The following GABRG3 variants were observed in gnomAD, a reference collection of about 807,000 sequenced individuals.
GABRG3 encodes gamma-aminobutyric acid receptor subunit gamma-3.
A neutral mutation model predicts 48.8 loss-of-function variants in GABRG3; 25 were observed. That is an observed-to-expected ratio of 0.51 (90% CI 0.37 to 0.72). The LOEUF is 0.72. GABRG3 is among the 30% of genes least tolerant of loss of function. The pLI is 0.00. For synonymous variants in GABRG3, 227 were observed against 217.6 expected (o/e 1.04, Z -0.38); for missense variants, 394 against 577.9 (o/e 0.68, Z 3.26).
intron 3 of GABRG3, among the ~76,000 whole-genome samples, chr15:27,199,271 A>G (rs1216950433): frequency 6.6e-6 from 1 of 152,168 alleles, no homozygotes; most frequent in South Asian, 2.1e-4. Flanking sequence ...CCTGGACGGG[A>G]TGCACTTTTC....
intron 5 of GABRG3, among the ~76,000 whole-genome samples, chr15:27,452,927 A>G (rs973278189): frequency 3.9e-5 from 6 of 152,230 alleles, no homozygotes; most frequent in Admixed American, 1.3e-4. Flanking sequence ...AGAAATGTCT[A>G]TGCACACACA....
intron 5 of GABRG3, among the ~76,000 whole-genome samples, chr15:27,449,350 A>G (rs563813124): frequency 6.6e-6 from 1 of 152,274 alleles, no homozygotes; most frequent in Non-Finnish European, 1.5e-5. Flanking sequence ...GGAGAATTCA[A>G]TCAGCAAGAG....
chr15:27,015,383 A>ATTTTTT (rs36045792), intron 2 of GABRG3, among the ~76,000 whole-genome samples: 2 of 110,306 alleles, frequency 1.8e-5, no homozygotes, highest in Admixed American at 9.2e-5. Context: ...TTTGTGTTTG[A>ATTTTTT]TTTTTTTTTT....
intron 5 of GABRG3, among the ~76,000 whole-genome samples, chr15:27,417,970 C>T (rs1028295952): frequency 4.6e-5 from 7 of 152,120 alleles, no homozygotes; most frequent in East Asian, 3.9e-4. Context: ...GGGGCTTTTG[C>T]GAGGATCAGA....
intron 7 of GABRG3, 83 bp from the exon 8 acceptor site, chr15:27,527,349 TG>T: frequency 2.3e-6 from 3 of 1,281,504 alleles, no homozygotes; most frequent in Non-Finnish European, 3.3e-6. Flanking sequence ...GCAGCCGTGC[TG>T]GGGTGGAGGG....
intron 5 of GABRG3, among the ~76,000 whole-genome samples, chr15:27,410,666 A>G (rs1243513094): frequency 6.6e-6 from 1 of 152,184 alleles, no homozygotes; most frequent in East Asian, 1.9e-4. Context: ...TTTCCCGTAG[A>G]GAAGGCTTAC....
At position 27,520,039 on chromosome 15, in the gene GABRG3, A is replaced by G; in HGVS notation, c.780A>G (p.Thr260=). The G allele has an allele frequency of 1.9e-6, 3 of 1,595,256 alleles. No homozygotes were observed. The highest frequency in any genetic ancestry group is 2.6e-6 in the Non-Finnish European group (3 of 1,169,052). Reference sequence around the variant, plus strand: ...GAATGGGATACTTCACCATTCAGACATACATTCCCTGTATACTGACTGTGG... The same window carrying G: ...GAATGGGATACTTCACCATTCAGACGTACATTCCCTGTATACTGACTGTGG... ...SRRMGYFTIQ[T]YIPCILTVVL... Residue 260 remains threonine, a synonymous_variant, in exon 7 of 10, where the codon ACA becomes ACG. Transcript: ENST00000615808.
At chr15:27,203,353 A>G (rs897948149) in intron 3 of GABRG3, among the ~76,000 whole-genome samples, 1 of 152,190 alleles carries the variant, frequency 6.6e-6, no homozygotes, top group African/African-American at 2.4e-5. Flanking sequence ...AGCTCCATCC[A>G]TGTTGCTGCA....
At chr15:27,049,102 G>A (rs1276809563) in intron 3 of GABRG3, among the ~76,000 whole-genome samples, 1 of 152,230 alleles carries the variant, frequency 6.6e-6, no homozygotes, top group African/African-American at 2.4e-5. Flanking sequence ...TTTGGGCAGG[G>A]TGGCTGCATG....
intron 3 of GABRG3, among the ~76,000 whole-genome samples, chr15:27,323,019 C>T (rs74004979): frequency 0.036 from 5,476 of 152,186 alleles, 337 homozygotes; most frequent in African/African-American, 0.13. Flanking sequence ...TTCTCCCGAT[C>T]TCATACTGCA....
chr15:27,489,366 T>G (rs910435043), intron 6 of GABRG3, among the ~76,000 whole-genome samples: 3 of 152,242 alleles, frequency 2.0e-5, no homozygotes, highest in African/African-American at 7.2e-5. Flanking sequence ...TATAGTAGAA[T>G]GATTTATAAT....
chr15:27,170,328 A>T (rs2140410191), intron 3 of GABRG3, among the ~76,000 whole-genome samples: 1 of 152,348 alleles, frequency 6.6e-6, no homozygotes, highest in East Asian at 1.9e-4. Flanking sequence ...AGACCATGTA[A>T]TGTGCACACA....
chr15:27,052,130 C>A (rs74006562), intron 3 of GABRG3, among the ~76,000 whole-genome samples: 105 of 152,238 alleles, frequency 6.9e-4, no homozygotes, highest in African/African-American at 2.4e-3. Context: ...GGCCACAGAT[C>A]GGGCGTTGGG....
intron 5 of GABRG3, among the ~76,000 whole-genome samples, chr15:27,458,950 C>G (rs1269803921): frequency 2.0e-5 from 3 of 152,226 alleles, no homozygotes; most frequent in Non-Finnish European, 4.4e-5. Flanking sequence ...TTCTCTTCCT[C>G]TCTGGCTGTG....
At chr15:27,169,852 T>C (rs1887506189) in intron 3 of GABRG3, among the ~76,000 whole-genome samples, 1 of 152,012 alleles carries the variant, frequency 6.6e-6, no homozygotes, top group Non-Finnish European at 1.5e-5. Flanking sequence ...GGAATGTTAG[T>C]GAAAAGATGC....
chr15:27,197,940 G>T (rs1888549137), intron 3 of GABRG3, among the ~76,000 whole-genome samples: 1 of 152,034 alleles, frequency 6.6e-6, no homozygotes, highest in Non-Finnish European at 1.5e-5. Flanking sequence ...TATTTCTGTG[G>T]GATTAGTAGT....
At chr15:27,279,833 C>T (rs945419607) in intron 3 of GABRG3, among the ~76,000 whole-genome samples, 4 of 152,064 alleles carry the variant, frequency 2.6e-5, no homozygotes, top group African/African-American at 7.2e-5. Context: ...AACAGGTTAG[C>T]GTTATGATTA....
chr15:27,466,241 A>G (rs946171630), intron 5 of GABRG3, among the ~76,000 whole-genome samples: 7 of 152,206 alleles, frequency 4.6e-5, no homozygotes, highest in Non-Finnish European at 7.3e-5. Context: ...AGACCACAGA[A>G]TATTCAGTAG....
rs1272879053 is a variant in GABRG3, at chr15:26,971,470, G to A, written c.-66G>A. ...GGCAAAGAGGGCCGGCGGAGACCAG[G>A]TCCGCGCCGGAGGAAGCCGCGCCCG... On this transcript the variant is annotated 5_prime_UTR_variant, in exon 1 of 10. Coordinates refer to ENST00000615808, the MANE Select transcript of GABRG3 (RefSeq NM_033223.5). The A allele has an allele frequency of 6.0e-5, 82 of 1,360,348 alleles. 1 individual carries two copies. The East Asian group carries it at 2.4e-3, about 40-fold the overall frequency. The allele number at this position is 1,360,348 out of a possible 1,614,324, so 84.3% of individuals were successfully genotyped here. A position where few individuals can be genotyped will look rare whatever the true frequency, so the allele number is the denominator to read the frequency against.
Sources: allele counts gnomAD v4.1 joint callset (sites outside exome capture counted in the v4.1 genomes callset), GRCh38; gene constraint gnomAD v4.1.1; transcripts MANE v1.5; gene names NCBI Gene and HGNC (gene_info 2026-07-23, HGNC 2026-07-21).